Variants in GRID1 observed in about 807,000 individuals in gnomAD.
GRID1 encodes the protein glutamate receptor ionotropic, delta-1.
GRID1 carries 28 observed loss-of-function variants against 98.0 expected under a neutral mutation model. The observed-to-expected ratio is 0.29, with a 90% CI of 0.21 to 0.39. The LOEUF is 0.39. Among genes scored for constraint, GRID1 ranks in the 10% least tolerant of loss-of-function variants. The pLI is 1.00. For synonymous variants in GRID1, 553 were observed against 538.5 expected (o/e 1.03, Z -0.37); for missense variants, 1,111 against 1,340.5 (o/e 0.83, Z 2.67).
At chr10:85,619,497 C>T (rs967341678) in intron 14 of GRID1, among the ~76,000 whole-genome samples, 1 of 152,236 alleles carries the variant, frequency 6.6e-6, no homozygotes, top group Admixed American at 6.5e-5. Flanking sequence ...CCTCATTCTT[C>T]CAGCTTCAGG....
chr10:86,023,737 G>A (rs1452335309), intron 4 of GRID1, among the ~76,000 whole-genome samples: 2 of 151,952 alleles, frequency 1.3e-5, no homozygotes, highest in East Asian at 1.9e-4. Context: ...AGCCACACAC[G>A]AAAGAACCCA....
chr10:86,296,796 T>C (rs55814635), intron 2 of GRID1, among the ~76,000 whole-genome samples: 1 of 87,596 alleles, frequency 1.1e-5, no homozygotes, highest in South Asian at 3.0e-4. Context: ...CATACATACA[T>C]ACATACATAC....
chr10:85,639,300 G>A (rs1217451974), intron 13 of GRID1, among the ~76,000 whole-genome samples: 3 of 152,036 alleles, frequency 2.0e-5, no homozygotes, highest in African/African-American at 7.3e-5. Context: ...CATTTTGTTG[G>A]GTGAAAGAAT....
intron 4 of GRID1, among the ~76,000 whole-genome samples, chr10:86,022,135 C>A (rs529279671): frequency 6.6e-5 from 10 of 152,208 alleles, no homozygotes; most frequent in African/African-American, 2.2e-4. Flanking sequence ...TCTTCTAAAC[C>A]AGTGTGTATT....
chr10:86,358,549 G>A (rs1211637422), intron 2 of GRID1, among the ~76,000 whole-genome samples: 1 of 152,038 alleles, frequency 6.6e-6, no homozygotes, highest in Non-Finnish European at 1.5e-5. Flanking sequence ...ACGAGGTCAG[G>A]AGATTGAGAC....
chr10:86,326,968 T>A (rs1348238249), intron 2 of GRID1, among the ~76,000 whole-genome samples: 1 of 152,018 alleles, frequency 6.6e-6, no homozygotes, highest in Non-Finnish European at 1.5e-5. Flanking sequence ...AAACCCTGTG[T>A]TTACTTAAAA....
At chr10:86,064,414 C>T (rs1255529553) in intron 4 of GRID1, among the ~76,000 whole-genome samples, 1 of 152,210 alleles carries the variant, frequency 6.6e-6, no homozygotes, top group African/African-American at 2.4e-5. Context: ...AAGGGAGGCA[C>T]CGCTGCCTCA....
chr10:85,624,030 C>T (rs1315082477), intron 13 of GRID1, among the ~76,000 whole-genome samples: 1 of 152,120 alleles, frequency 6.6e-6, no homozygotes, highest in African/African-American at 2.4e-5. Context: ...TTTGCCACTT[C>T]CTATTCAAAC....
At chr10:86,042,223 T>C (rs1483525395) in intron 4 of GRID1, among the ~76,000 whole-genome samples, 1 of 152,186 alleles carries the variant, frequency 6.6e-6, no homozygotes, top group Non-Finnish European at 1.5e-5. Context: ...CAATCCCCCC[T>C]GGGACAGACA....
intron 4 of GRID1, among the ~76,000 whole-genome samples, chr10:85,969,615 C>A (rs1443664136): frequency 6.6e-6 from 1 of 151,816 alleles, no homozygotes; most frequent in Non-Finnish European, 1.5e-5. Context: ...GAAGAAATTA[C>A]AAAGAAAATT....
At chr10:85,816,011 T>A (rs1842713116) in intron 8 of GRID1, among the ~76,000 whole-genome samples, 3 of 152,012 alleles carry the variant, frequency 2.0e-5, no homozygotes, top group Admixed American at 2.0e-4. Context: ...ATTATGATAA[T>A]AAATTGGCAG....
intron 2 of GRID1, among the ~76,000 whole-genome samples, chr10:86,272,209 G>A (rs1355442845): frequency 2.0e-5 from 3 of 152,028 alleles, no homozygotes; most frequent in African/African-American, 4.8e-5. Flanking sequence ...GGAGGAGAAC[G>A]GCAGAGTAGA....
chr10:85,881,465 T>C (rs1353063291), intron 5 of GRID1, among the ~76,000 whole-genome samples: 2 of 152,048 alleles, frequency 1.3e-5, no homozygotes, highest in East Asian at 1.9e-4. Flanking sequence ...TCAGAAATAA[T>C]GCCACATATC....
intron 4 of GRID1, among the ~76,000 whole-genome samples, chr10:85,948,529 T>C (rs1430397539): frequency 6.6e-6 from 1 of 152,228 alleles, no homozygotes; most frequent in Non-Finnish European, 1.5e-5. Context: ...ATAATTTTTG[T>C]GTAGTAAGCC....
intron 4 of GRID1, among the ~76,000 whole-genome samples, chr10:85,972,482 A>T (rs1487017162): frequency 1.3e-5 from 2 of 148,162 alleles, no homozygotes; most frequent in African/African-American, 4.9e-5. Context: ...TATATTAAAT[A>T]TATTTATATA....
chr10:85,856,101 C>A lies in GRID1; in HGVS notation c.1041G>T (p.Ala347=). 6.2e-7 allele frequency: 1 copy of A among 1,614,126 alleles called. No individual in the cohort carries two copies. Among genetic ancestry groups the A allele is most frequent in the Non-Finnish European group, 8.5e-7 (1 of 1,179,962 alleles). ...KLEDRKWHSM[A]SLNCIRKSTK... ...TGGATTTCCGTATGCAGTTGAGGCTCGCCATGCTATGCCACTTCCGGTCCT... is the reference window on the plus strand; with the variant it reads ...TGGATTTCCGTATGCAGTTGAGGCTAGCCATGCTATGCCACTTCCGGTCCT... The change falls in exon 7 of 16, where the codon GCG becomes GCT. Residue 347 remains alanine, a synonymous_variant. Transcript: ENST00000327946.
chr10:86,028,056 T>C (rs1456996360), intron 4 of GRID1, among the ~76,000 whole-genome samples: 3 of 152,192 alleles, frequency 2.0e-5, no homozygotes, highest in Admixed American at 6.5e-5. Flanking sequence ...GGCTCAAAGA[T>C]GTGAGGGGAC....
chr10:85,696,813 T>A (rs1168061129), intron 12 of GRID1, among the ~76,000 whole-genome samples: 1 of 152,076 alleles, frequency 6.6e-6, no homozygotes, highest in Non-Finnish European at 1.5e-5. Flanking sequence ...AAGCACTATT[T>A]TAGCTGTATT....
chr10:85,662,609 G>C (rs1449967651), intron 12 of GRID1, among the ~76,000 whole-genome samples: 1 of 152,114 alleles, frequency 6.6e-6, no homozygotes, highest in African/African-American at 2.4e-5. Context: ...CAAACCATAG[G>C]GCTCCTCTCC....
Sources: gnomAD v4.1 joint callset for allele counts (sites outside exome capture counted in the v4.1 genomes callset) on GRCh38, gnomAD v4.1.1 for gene constraint, MANE v1.5 for transcripts, NCBI Gene and HGNC (gene_info 2026-07-23, HGNC 2026-07-21) for gene names.